Variants in KLHL24 observed in about 807,000 individuals in gnomAD.
KLHL24 encodes kelch like family member 24.
KLHL24 carries 29 observed loss-of-function variants against 53.4 expected under a neutral mutation model. The ratio of observed to expected loss-of-function variants is 0.54; its 90% CI spans 0.40 to 0.74. The LOEUF (loss-of-function observed/expected upper bound fraction) is 0.74, where lower values mean the gene tolerates loss of function less well. Ranked by LOEUF, KLHL24 falls within the 30% of genes least tolerant of loss-of-function variation. The probability of loss-of-function intolerance (pLI) is 0.00; values close to 1 mark genes in which losing one functional copy is unlikely to be tolerated. For synonymous variants in KLHL24, 222 were observed against 253.7 expected, an observed-to-expected ratio of 0.88 and a Z score of 1.19; for missense variants, 504 against 744.0, an observed-to-expected ratio of 0.68 and a Z score of 3.75.
At chr3:183,662,234 A>G (rs1189399985) in intron 3 of KLHL24, among the ~76,000 whole-genome samples, 2 of 152,170 alleles carry the variant, frequency 1.3e-5, no homozygotes, top group Non-Finnish European at 2.9e-5. Context: ...TATGCCTGGC[A>G]TAGAATAGGT....
chr3:183,664,618 C>T (rs1213376038), intron 4 of KLHL24, among the ~76,000 whole-genome samples: 2 of 151,408 alleles, frequency 1.3e-5, no homozygotes, highest in East Asian at 3.9e-4. Context: ...TATTTGCGTG[C>T]TTCTGATGTC....
At chr3:183,676,989 G>A (rs1337661362) in intron 7 of KLHL24, among the ~76,000 whole-genome samples, 2 of 148,310 alleles carry the variant, frequency 1.3e-5, no homozygotes, top group Non-Finnish European at 3.0e-5. Context: ...TTTATATATT[G>A]ATAAATTATT....
intron 7 of KLHL24, among the ~76,000 whole-genome samples, chr3:183,678,851 C>T (rs1000743714): frequency 6.6e-6 from 1 of 152,108 alleles, no homozygotes. Flanking sequence ...GACATGATCT[C>T]GTTATTTCTT....
rs1438022183 is a variant in KLHL24 at position 183,679,553 on chromosome 3, CTA to C, written c.*269_*270del. The C allele has an allele frequency of 4.2e-5, 16 of 378,752 alleles. No homozygotes were observed. The South Asian group carries it at 5.6e-4, about 13-fold the overall frequency. 23.5% of individuals were successfully genotyped at this position (378,752 alleles called of 1,614,324 possible). A position where few individuals can be genotyped will look rare whatever the true frequency, so the allele number is the denominator to read the frequency against. On this transcript the variant is annotated 3_prime_UTR_variant, in exon 8 of 8. Transcript: ENST00000242810. ...ACCTTTGTAAGTATTTGTAAGAAGT[CTA>C]TGTGAATTAGGAAATGTCTGTCTGC...
chr3:183,655,231 T>G (rs1430388275), intron 3 of KLHL24, among the ~76,000 whole-genome samples: 55 of 152,190 alleles, frequency 3.6e-4, no homozygotes, highest in Non-Finnish European at 4.4e-5. Context: ...ATAGGCCAAT[T>G]TAAGAGCACG....
At chr3:183,673,986 A>G (rs1165135592) in intron 7 of KLHL24, among the ~76,000 whole-genome samples, 1 of 152,160 alleles carries the variant, frequency 6.6e-6, no homozygotes, top group East Asian at 1.9e-4. Context: ...CAAGATTTTA[A>G]ATTTCAAATA....
At chr3:183,645,646 T>C (rs998429195) in intron 2 of KLHL24, among the ~76,000 whole-genome samples, 2 of 152,362 alleles carry the variant, frequency 1.3e-5, no homozygotes, top group East Asian at 3.9e-4. Context: ...TAAACTCAGA[T>C]ATATTTTTAT....
chr3:183,680,964 G>A lies in KLHL24; in HGVS notation c.*1678G>A, dbSNP rs1410593474. On this transcript the variant is annotated 3_prime_UTR_variant, in exon 8 of 8. Coordinates refer to ENST00000242810, the MANE Select transcript of KLHL24 (RefSeq NM_017644.3). ...TAAGCTACATTGTTTTCTCATTTTA[G>A]AATGATTCAGAGATTTCAGATAGAC... 6.6e-6 allele frequency: 1 copy of A among 152,110 alleles called. No homozygotes were observed. The highest frequency in any genetic ancestry group is 1.5e-5 in the Non-Finnish European group (1 of 67,990). The allele number at this position is 152,110 out of a possible 1,614,324, so 9.4% of individuals were successfully genotyped here.
At chr3:183,647,212 T>C (rs948124809) in intron 2 of KLHL24, among the ~76,000 whole-genome samples, 2 of 149,182 alleles carry the variant, frequency 1.3e-5, no homozygotes, top group African/African-American at 4.9e-5. Context: ...CGAGGTCATA[T>C]TGAGACCATC....
chr3:183,656,240 G>C (rs1239931870), intron 3 of KLHL24, among the ~76,000 whole-genome samples: 1 of 151,748 alleles, frequency 6.6e-6, no homozygotes, highest in East Asian at 1.9e-4. Context: ...TGTTGCTCAG[G>C]CTTGTCCTGA....
rs1395953504 is a variant in KLHL24 at position 183,681,015 on chromosome 3, A to G, written c.*1729A>G. On this transcript the variant is annotated 3_prime_UTR_variant, in exon 8 of 8. Coordinates refer to ENST00000242810, the MANE Select transcript of KLHL24 (RefSeq NM_017644.3). ...ATTTTTTAAACTTTAATGCTTAGCT[A>G]GAATCTACATTCTGAGGAAAACTCT... 1.3e-5 allele frequency: 2 copies of G among 152,196 alleles called. No individual in the cohort carries two copies. The highest frequency in any genetic ancestry group is 1.3e-4 in the Admixed American group (2 of 15,284). The allele number at this position is 152,196 out of a possible 1,614,324, so 9.4% of individuals were successfully genotyped here. A position where few individuals can be genotyped will look rare whatever the true frequency, so the allele number is the denominator to read the frequency against.
At chr3:183,655,578 A>C (rs186537821) in intron 3 of KLHL24, among the ~76,000 whole-genome samples, 2 of 152,206 alleles carry the variant, frequency 1.3e-5, no homozygotes, top group Admixed American at 1.3e-4. Context: ...ACAGTGAGCC[A>C]TGAGCAGGCC....
chr3:183,638,297 C>T (rs1318433108), intron 1 of KLHL24, among the ~76,000 whole-genome samples: 2 of 152,206 alleles, frequency 1.3e-5, no homozygotes, highest in Non-Finnish European at 2.9e-5. Context: ...TTAACTTAAA[C>T]TTTCCTGGCT....
rs1383922074 is a variant in KLHL24 at position 183,668,991 on chromosome 3, A to G, written c.1225-2043A>G. 2.6e-5 allele frequency among the ~76,000 whole-genome samples: 4 copies of G among 152,290 alleles called. No individual in the cohort carries two copies. The East Asian group carries it at 5.8e-4, about 22-fold the overall frequency. On this transcript the variant is annotated intron_variant, in intron 5 of 7. Transcript: ENST00000242810. ...TTGGTCATCTTATAAATAACCCCAAAGAGATCAAGTCACTTCCCAAGATTA... is the reference window on the plus strand; with the variant it reads ...TTGGTCATCTTATAAATAACCCCAAGGAGATCAAGTCACTTCCCAAGATTA...
intron 1 of KLHL24, among the ~76,000 whole-genome samples, chr3:183,637,493 A>G (rs920053608): frequency 6.6e-6 from 1 of 152,254 alleles, no homozygotes; most frequent in South Asian, 2.1e-4. Flanking sequence ...AAAATTGTAC[A>G]TTAAGCTGAC....
chr3:183,643,286 T>A (rs1335399269), intron 1 of KLHL24, 194 bp from the exon 2 acceptor site: 3 of 152,168 alleles, frequency 2.0e-5, no homozygotes, highest in Admixed American at 1.3e-4. Flanking sequence ...GAAAAACTAG[T>A]TATGTAAAAT....
chr3:183,645,193 C>G (rs1363916503), intron 2 of KLHL24, among the ~76,000 whole-genome samples: 1 of 152,160 alleles, frequency 6.6e-6, no homozygotes, highest in Non-Finnish European at 1.5e-5. Flanking sequence ...TTATGTTTAT[C>G]ATAATTGAAA....
At chr3:183,640,791 G>A (rs1438500012) in intron 1 of KLHL24, among the ~76,000 whole-genome samples, 4 of 151,826 alleles carry the variant, frequency 2.6e-5, no homozygotes, top group Admixed American at 6.6e-5. Flanking sequence ...TAGTAGAAAC[G>A]GGGTTTCACT....
chr3:183,672,553 A>C, intron 7 of KLHL24, 69 bp downstream of exon 7: 2 of 1,105,888 alleles, frequency 1.8e-6, no homozygotes, highest in Non-Finnish European at 1.3e-6. Flanking sequence ...CATTATTAAT[A>C]CACTGGAATT....
Sources: allele counts gnomAD v4.1 joint callset (sites outside exome capture counted in the v4.1 genomes callset), GRCh38; gene constraint gnomAD v4.1.1; transcripts MANE v1.5; gene names NCBI Gene and HGNC (gene_info 2026-07-23, HGNC 2026-07-21).